Variants in NALCN observed in about 807,000 individuals in gnomAD.
NALCN encodes sodium leak channel, non-selective.
In NALCN, 111 loss-of-function variants were observed where a neutral mutation model predicts 225.3. The observed-to-expected ratio is 0.49, with a 90% confidence interval of 0.42 to 0.58. The LOEUF is 0.58. NALCN is among the 20% of genes least tolerant of loss of function. The probability of loss-of-function intolerance (pLI) is 0.00; values close to 1 mark genes in which losing one functional copy is unlikely to be tolerated. For missense variants in NALCN, 1,378 were observed against 2,202.4 expected (o/e 0.63, Z 7.49); for synonymous variants, 764 against 769.0 (o/e 0.99, Z 0.11).
In NALCN at chr13:101,188,655, C is replaced by T. The variant is rs934889097; in HGVS notation, c.1764+3262G>A. 7.6e-4 allele frequency among the ~76,000 whole-genome samples: 109 copies of T among 144,074 alleles called. 1 individual carries two copies. The highest frequency in any genetic ancestry group is 9.9e-4 in the Non-Finnish European group (65 of 65,850). 94.5% of individuals were successfully genotyped at this position (144,074 alleles called of 152,430 possible). ...ATATACACATATATACACACACACA[C>T]GTGTGTGTGTGTGTCTGTGTGTGTG... On this transcript the variant is annotated intron_variant, in intron 14 of 43. Coordinates refer to ENST00000251127, the MANE Select transcript of NALCN (RefSeq NM_052867.4).
chr13:101,215,812 A>G (rs1831873), intron 13 of NALCN, among the ~76,000 whole-genome samples: 38,319 of 151,988 alleles, frequency 0.25, 5,051 homozygotes, highest in East Asian at 0.37. Context: ...CCGTTAACTC[A>G]TCATTTACAT....
chr13:101,193,809 T>A (rs2039780948), intron 13 of NALCN, among the ~76,000 whole-genome samples: 1 of 152,212 alleles, frequency 6.6e-6, no homozygotes. Context: ...GAATATTTAT[T>A]GTATCCAAAG....
intron 42 of NALCN, chr13:101,059,003 G>A (rs1382741981): frequency 1.3e-5 from 2 of 152,342 alleles, no homozygotes; most frequent in Non-Finnish European, 1.5e-5. Flanking sequence ...GCTGGGCCGT[G>A]GAGCCTTAGG....
At chr13:101,368,994 A>G in intron 6 of NALCN, 1 of 366,362 alleles carries the variant, frequency 2.7e-6, no homozygotes. Context: ...TGTCAGAGTG[A>G]GAGTCTGTCT....
At position 101,236,738 on chromosome 13, in the gene NALCN, G is replaced by C. The variant is rs865871660; in HGVS notation, c.1434+1017C>G. On this transcript the variant is annotated intron_variant, in intron 12 of 43. Coordinates refer to ENST00000251127, the MANE Select transcript of NALCN (RefSeq NM_052867.4). Reference sequence around the variant, plus strand: ...ATGAGAACACATGGACACAGGAAGGGGAACATCACACTCTGGGGCCTGTTG... The same window carrying C: ...ATGAGAACACATGGACACAGGAAGGCGAACATCACACTCTGGGGCCTGTTG... Among the ~76,000 whole-genome samples, 1,059 of 138,094 alleles carry C rather than the reference G, an allele frequency of 7.7e-3. 14 individuals are homozygous for C. The highest frequency in any genetic ancestry group is 0.026 in the African/African-American group (977 of 37,922). 90.6% of individuals were successfully genotyped at this position (138,094 alleles called of 152,430 possible).
chr13:101,405,730 C>T lies in NALCN; in HGVS notation c.-39-6565G>A, dbSNP rs149210991. Among the ~76,000 whole-genome samples the T allele has an allele frequency of 1.5e-3, 234 of 152,246 alleles. 1 individual carries two copies. The highest frequency in any genetic ancestry group is 3.6e-3 in the African/African-American group (148 of 41,552). ...GACTGCCTTGAGATTTCAATCATCA[C>T]GACAATTTAAGGGAAAGTGTTAAAA... On this transcript the variant is annotated intron_variant, in intron 1 of 43. Coordinates refer to ENST00000251127, the MANE Select transcript of NALCN (RefSeq NM_052867.4).
At chr13:101,308,836 A>G (rs929008505) in intron 7 of NALCN, among the ~76,000 whole-genome samples, 4 of 152,160 alleles carry the variant, frequency 2.6e-5, no homozygotes, top group Non-Finnish European at 5.9e-5. Flanking sequence ...TTTTCTCACA[A>G]AAGCCACTCT....
At chr13:101,393,880 T>C (rs1183987853) in intron 3 of NALCN, among the ~76,000 whole-genome samples, 1 of 151,972 alleles carries the variant, frequency 6.6e-6, no homozygotes, top group African/African-American at 2.4e-5. Flanking sequence ...AAACCAACCA[T>C]AAAAAAAATT....
At chr13:101,129,365 C>G (rs1018012210) in intron 17 of NALCN, among the ~76,000 whole-genome samples, 1 of 152,268 alleles carries the variant, frequency 6.6e-6, no homozygotes, top group East Asian at 1.9e-4. Context: ...GGATTTCAGT[C>G]CATGTCAATT....
chr13:101,085,978 T>C (rs1475603469), intron 30 of NALCN, among the ~76,000 whole-genome samples: 1 of 152,134 alleles, frequency 6.6e-6, no homozygotes, highest in Non-Finnish European at 1.5e-5. Flanking sequence ...TGGGTCTTTC[T>C]AGTTTTTTCT....
intron 37 of NALCN, 130 bp downstream of exon 37, chr13:101,073,449 ATGGAC>A: frequency 6.2e-6 from 4 of 645,392 alleles, no homozygotes; most frequent in Non-Finnish European, 9.9e-6. Context: ...ATGCAATTTT[ATGGAC>A]TGAAGTGTCA....
intron 10 of NALCN, among the ~76,000 whole-genome samples, chr13:101,267,410 T>G (rs1426412540): frequency 6.6e-6 from 1 of 152,160 alleles, no homozygotes; most frequent in African/African-American, 2.4e-5. Flanking sequence ...TTAGCCTGTG[T>G]GAAAAAACCC....
chr13:101,356,814 A>T (rs1165104917), intron 6 of NALCN, among the ~76,000 whole-genome samples: 1 of 152,124 alleles, frequency 6.6e-6, no homozygotes, highest in East Asian at 1.9e-4. Context: ...ACCGAATCCA[A>T]CAGCACATCA....
At chr13:101,123,279 C>T (rs1034881961) in intron 18 of NALCN, among the ~76,000 whole-genome samples, 8 of 152,168 alleles carry the variant, frequency 5.3e-5, no homozygotes, top group African/African-American at 1.7e-4. Context: ...GGCAGATACT[C>T]GATGCAGACT....
intron 13 of NALCN, among the ~76,000 whole-genome samples, chr13:101,222,228 C>G (rs920136783): frequency 2.6e-5 from 4 of 152,118 alleles, no homozygotes; most frequent in Non-Finnish European, 5.9e-5. Context: ...CTCTGAGACA[C>G]AAAAACTCAT....
intron 13 of NALCN, among the ~76,000 whole-genome samples, chr13:101,202,041 G>A (rs1270007583): frequency 6.6e-6 from 1 of 151,978 alleles, no homozygotes; most frequent in African/African-American, 2.4e-5. Flanking sequence ...CAGTCTCCTT[G>A]TTTCGATTTT....
intron 42 of NALCN, chr13:101,058,305 T>C (rs1287930747): frequency 2.3e-6 from 1 of 436,340 alleles, no homozygotes; most frequent in African/African-American, 2.0e-5. Flanking sequence ...CCCCACTGCT[T>C]CGTTCCCCTC....
At chr13:101,412,160 T>G (rs1170646104) in intron 1 of NALCN, among the ~76,000 whole-genome samples, 1 of 152,232 alleles carries the variant, frequency 6.6e-6, no homozygotes, top group African/African-American at 2.4e-5. Flanking sequence ...TATTTTCATC[T>G]GAAGATTTGG....
At chr13:101,347,248 C>G (rs1453727303) in intron 6 of NALCN, among the ~76,000 whole-genome samples, 7 of 152,140 alleles carry the variant, frequency 4.6e-5, no homozygotes, top group African/African-American at 1.7e-4. Flanking sequence ...ACACCCTAAG[C>G]TATTCCTTTA....
Sources: gnomAD v4.1 joint callset for allele counts (sites outside exome capture counted in the v4.1 genomes callset) on GRCh38, gnomAD v4.1.1 for gene constraint, MANE v1.5 for transcripts, NCBI Gene and HGNC (gene_info 2026-07-23, HGNC 2026-07-21) for gene names.